Variants in ANKIB1 observed in about 807,000 individuals in gnomAD.
ANKIB1 encodes the protein ankyrin repeat and IBR domain-containing protein 1.
In ANKIB1, 43 loss-of-function variants were observed where a neutral mutation model predicts 122.1. The ratio of observed to expected loss-of-function variants is 0.35; its 90% CI spans 0.28 to 0.45. ANKIB1 has a LOEUF of 0.45. Among genes scored for constraint, ANKIB1 ranks in the 20% least tolerant of loss-of-function variants. The probability of loss-of-function intolerance (pLI) is 1.00; values close to 1 mark genes in which losing one functional copy is unlikely to be tolerated. For missense variants in ANKIB1, 992 were observed against 1,329.5 expected (o/e 0.75, Z 3.95); for synonymous variants, 390 against 442.0 (o/e 0.88, Z 1.48).
At chr7:92,293,823 A>G (rs894255263) in intron 1 of ANKIB1, among the ~76,000 whole-genome samples, 24 of 152,048 alleles carry the variant, frequency 1.6e-4, no homozygotes, top group Non-Finnish European at 3.4e-4. Flanking sequence ...GCCTTTGCAT[A>G]TGCTGTTTTC....
At chr7:92,337,027 T>A (rs1803305442) in intron 5 of ANKIB1, among the ~76,000 whole-genome samples, 1 of 152,222 alleles carries the variant, frequency 6.6e-6, no homozygotes, top group African/African-American at 2.4e-5. Flanking sequence ...TTGTAAATAA[T>A]GATAATTGTT....
At chr7:92,306,050 C>T (rs1802555380) in intron 2 of ANKIB1, among the ~76,000 whole-genome samples, 1 of 150,406 alleles carries the variant, frequency 6.6e-6, no homozygotes, top group Admixed American at 6.6e-5. Context: ...GCCACCCCAC[C>T]CTCTGGTCTC....
chr7:92,259,119 A>C (rs889439732), intron 1 of ANKIB1, among the ~76,000 whole-genome samples: 2 of 151,760 alleles, frequency 1.3e-5, no homozygotes, highest in Non-Finnish European at 2.9e-5. Context: ...ACACCTGGCT[A>C]ATTTTGGTGT....
intron 1 of ANKIB1, among the ~76,000 whole-genome samples, chr7:92,288,934 T>G (rs1585090054): frequency 6.6e-6 from 1 of 152,216 alleles, no homozygotes; most frequent in Non-Finnish European, 1.5e-5. Flanking sequence ...CTGGTACATT[T>G]GCTCTGAAAA....
chr7:92,345,249 CA>C (rs558429403), intron 7 of ANKIB1, among the ~76,000 whole-genome samples, 183 bp downstream of exon 7: 1 of 152,118 alleles, frequency 6.6e-6, no homozygotes, highest in South Asian at 2.1e-4. Context: ...ACGTCTTCCC[CA>C]GCTATTTTAA....
chr7:92,330,424 A>G (rs1003127901), intron 5 of ANKIB1, among the ~76,000 whole-genome samples: 46 of 152,156 alleles, frequency 3.0e-4, no homozygotes, highest in African/African-American at 1.0e-3. Context: ...TTGAAAATCA[A>G]TGTTTTTGTT....
At chr7:92,249,365 G>A (rs2131868779) in intron 1 of ANKIB1, among the ~76,000 whole-genome samples, 1 of 152,186 alleles carries the variant, frequency 6.6e-6, no homozygotes, top group East Asian at 1.9e-4. Context: ...TGCCTTTATT[G>A]GCTTCTCTTA....
At chr7:92,388,916 G>A (rs1585139866) in intron 14 of ANKIB1, among the ~76,000 whole-genome samples, 1 of 152,050 alleles carries the variant, frequency 6.6e-6, no homozygotes, top group East Asian at 1.9e-4. Context: ...AACTATATTA[G>A]GCAATATCAA....
chr7:92,380,013 G>C (rs1000558986), intron 11 of ANKIB1, among the ~76,000 whole-genome samples: 1 of 152,214 alleles, frequency 6.6e-6, no homozygotes, highest in Non-Finnish European at 1.5e-5. Context: ...ATGACAGGCT[G>C]TACCGGGAAA....
intron 1 of ANKIB1, among the ~76,000 whole-genome samples, chr7:92,272,912 C>T (rs1396129465): frequency 6.6e-6 from 1 of 152,070 alleles, no homozygotes; most frequent in Non-Finnish European, 1.5e-5. Flanking sequence ...CAGCATGTTA[C>T]TGTACTGAAT....
chr7:92,365,097 G>A lies in ANKIB1; in HGVS notation c.1486+2824G>A, dbSNP rs540030561. ...ATGTTATCTTCATTATTTAATTAAC[G>A]TTTATTGAGTGCTGTTTTATGTTAG... On this transcript the variant is annotated intron_variant, in intron 10 of 19. Coordinates refer to ENST00000265742, the MANE Select transcript of ANKIB1 (RefSeq NM_019004.2). 7.2e-5 allele frequency among the ~76,000 whole-genome samples: 11 copies of A among 152,260 alleles called. No homozygotes were observed. The South Asian group carries it at 1.0e-3, about 14-fold the overall frequency.
intron 10 of ANKIB1, among the ~76,000 whole-genome samples, chr7:92,370,611 G>A (rs1441507221): frequency 6.6e-6 from 1 of 151,488 alleles, no homozygotes; most frequent in Admixed American, 6.6e-5. Context: ...CAACTAGAAG[G>A]GAGGACTTGA....
chr7:92,264,801 C>T (rs1042548512), intron 1 of ANKIB1, among the ~76,000 whole-genome samples: 8 of 152,130 alleles, frequency 5.3e-5, no homozygotes, highest in Admixed American at 3.9e-4. Flanking sequence ...ATTATGGTCT[C>T]TGCCCTTAGC....
intron 5 of ANKIB1, among the ~76,000 whole-genome samples, chr7:92,338,795 C>T: frequency 1.4e-5 from 2 of 147,626 alleles, no homozygotes; most frequent in East Asian, 2.1e-4. Context: ...GCCTGTAGTC[C>T]CAGCTACTTG....
intron 3 of ANKIB1, 80 bp from the exon 4 acceptor site, chr7:92,319,250 T>G (rs1466117814): frequency 9.2e-6 from 8 of 869,564 alleles, no homozygotes; most frequent in Non-Finnish European, 1.4e-5. Context: ...AATTTTATTA[T>G]ATTTTTAATG....
rs1585126166 is a variant in ANKIB1, at chr7:92,362,119, C to A, written c.1398-66C>A. 6 of 1,476,128 alleles carry A rather than the reference C, an allele frequency of 4.1e-6. No individual in the cohort carries two copies. In the East Asian group the frequency reaches 1.2e-4, roughly 31 times the overall value. 91.4% of individuals were successfully genotyped at this position (1,476,128 alleles called of 1,614,324 possible). On this transcript the variant is annotated intron_variant, in intron 9 of 19. Transcript: ENST00000265742. ...AGCCACCACGCCCGGCCTCTACACA[C>A]TTTTTTTACCTTGATGTTGATGAAG...
intron 3 of ANKIB1, among the ~76,000 whole-genome samples, chr7:92,317,265 A>G (rs1030353056): frequency 6.6e-6 from 1 of 152,210 alleles, no homozygotes; most frequent in Non-Finnish European, 1.5e-5. Flanking sequence ...TTGTGCAAAA[A>G]GAATCTCTTG....
intron 3 of ANKIB1, among the ~76,000 whole-genome samples, chr7:92,311,759 C>T (rs1802694496): frequency 6.6e-6 from 1 of 151,734 alleles, no homozygotes. Context: ...AATTAAAACC[C>T]CTTAATTATA....
At chr7:92,366,758 G>C (rs1033477574) in intron 10 of ANKIB1, among the ~76,000 whole-genome samples, 2 of 152,106 alleles carry the variant, frequency 1.3e-5, no homozygotes. Context: ...AAATTACCCC[G>C]ATTTTACAGA....
Sources: gnomAD v4.1 joint callset for allele counts (sites outside exome capture counted in the v4.1 genomes callset) on GRCh38, gnomAD v4.1.1 for gene constraint, MANE v1.5 for transcripts, NCBI Gene and HGNC (gene_info 2026-07-23, HGNC 2026-07-21) for gene names.